Variants in TNRC6A observed in about 807,000 individuals in gnomAD.
TNRC6A encodes trinucleotide repeat-containing gene 6A protein.
In TNRC6A, 44 loss-of-function variants were observed where a neutral mutation model predicts 221.2. The observed-to-expected ratio is 0.20, with a 90% CI of 0.16 to 0.26. The LOEUF (loss-of-function observed/expected upper bound fraction) is 0.26, where lower values mean the gene tolerates loss of function less well. Among genes scored for constraint, TNRC6A ranks in the 10% least tolerant of loss-of-function variants. TNRC6A has a pLI of 1.00. For synonymous variants in TNRC6A, 847 were observed against 838.5 expected (o/e 1.01, Z -0.18); for missense variants, 2,199 against 2,404.4 (o/e 0.91, Z 1.79).
chr16:24,772,371 CTTTTTTT>C (rs1018764188), intron 4 of TNRC6A, among the ~76,000 whole-genome samples: 1 of 151,432 alleles, frequency 6.6e-6, no homozygotes, highest in African/African-American at 2.4e-5. Context: ...TTTCTTTTTT[CTTTTTTT>C]GAAACAAGGT....
chr16:24,690,340 A>C (rs1313668514), intron 2 of TNRC6A, among the ~76,000 whole-genome samples: 1 of 152,178 alleles, frequency 6.6e-6, no homozygotes, highest in East Asian at 1.9e-4. Flanking sequence ...GAAAATGAAT[A>C]GGAAATAACA....
intron 2 of TNRC6A, among the ~76,000 whole-genome samples, chr16:24,720,691 CA>C (rs60226517): frequency 4.9e-3 from 142 of 28,942 alleles, no homozygotes; most frequent in East Asian, 8.4e-3. Flanking sequence ...AACTTCATCT[CA>C]AAAAAAAAAA....
intron 1 of TNRC6A, among the ~76,000 whole-genome samples, chr16:24,637,268 A>G (rs1901683944): frequency 6.6e-6 from 1 of 152,136 alleles, no homozygotes. Flanking sequence ...CCTGGCCTCA[A>G]GCGATCTGCC....
chr16:24,675,611 G>A (rs1167086313), intron 2 of TNRC6A, among the ~76,000 whole-genome samples: 1 of 143,048 alleles, frequency 7.0e-6, no homozygotes, highest in African/African-American at 2.6e-5. Context: ...GACCCAGGAG[G>A]CAGAGGTTGC....
chr16:24,651,538 CAAAAAAAAAAA>C (rs768568973), intron 2 of TNRC6A, among the ~76,000 whole-genome samples: 9 of 48,774 alleles, frequency 1.8e-4, no homozygotes, highest in African/African-American at 5.7e-4. Flanking sequence ...AACTCCATCT[CAAAAAAAAAAA>C]AAAAAAAAAA....
intron 2 of TNRC6A, among the ~76,000 whole-genome samples, chr16:24,670,694 C>G (rs889594073): frequency 1.3e-5 from 2 of 152,060 alleles, no homozygotes; most frequent in African/African-American, 4.8e-5. Flanking sequence ...AAATGAGATT[C>G]GGATGGAAAA....
chr16:24,635,403 C>T (rs1276099553), intron 1 of TNRC6A, among the ~76,000 whole-genome samples: 1 of 152,088 alleles, frequency 6.6e-6, no homozygotes, highest in African/African-American at 2.4e-5. Flanking sequence ...CCGCCTCAGC[C>T]TCCTGAGTAG....
At position 24,822,353 on chromosome 16, in the gene TNRC6A, C is replaced by CAGAT. The variant is rs539217416; in HGVS notation, c.5373+207_5373+210dup. Among the ~76,000 whole-genome samples, 78 of 152,308 alleles carry CAGAT rather than the reference C, an allele frequency of 5.1e-4. 2 individuals are homozygous for CAGAT. The South Asian group carries it at 0.016, about 32-fold the overall frequency. ...TGTGCCTGGGAACCAACCAAGCATA[C>CAGAT]AGATTCCCAGGCCTCACCCAGAGAT... On this transcript the variant is annotated intron_variant, in intron 23 of 24. Transcript: ENST00000395799.
In TNRC6A at chr16:24,627,638, T is replaced by C. The variant is rs376387376; in HGVS notation, n.277-13246T>C. On this transcript the variant is annotated intron_variant and non_coding_transcript_variant, in intron 1 of 2. Coordinates refer to the TNRC6A transcript ENST00000566108. ...TGATTTGACCCCTGATGTGTTCTTA[T>C]AGGATTTCCTCACAACTTCTGATCT... Among the ~76,000 whole-genome samples, 357 of 152,008 alleles carry C rather than the reference T, an allele frequency of 2.3e-3. 3 individuals are homozygous for C. Among genetic ancestry groups the C allele is most frequent in the African/African-American group, 7.9e-3 (329 of 41,476 alleles).
intron 2 of TNRC6A, among the ~76,000 whole-genome samples, chr16:24,724,481 C>T (rs181217051): frequency 2.9e-3 from 440 of 152,272 alleles, no homozygotes; most frequent in African/African-American, 0.01. Flanking sequence ...CGTGGTGGCT[C>T]ACACCTGTAA....
chr16:24,773,407 T>C (rs774036868), intron 4 of TNRC6A, among the ~76,000 whole-genome samples: 1 of 152,230 alleles, frequency 6.6e-6, no homozygotes, highest in Non-Finnish European at 1.5e-5. Flanking sequence ...TTAAGGCAGA[T>C]TTTTATTTGC....
intron 18 of TNRC6A, among the ~76,000 whole-genome samples, chr16:24,812,346 C>A (rs12596793): frequency 2.0e-5 from 3 of 151,804 alleles, no homozygotes; most frequent in Admixed American, 6.6e-5. Flanking sequence ...GCCACCAGGC[C>A]CAGCCCGGAA....
intron 1 of TNRC6A, among the ~76,000 whole-genome samples, chr16:24,631,234 T>C (rs973702722): frequency 1.3e-4 from 11 of 81,506 alleles, no homozygotes; most frequent in Non-Finnish European, 2.7e-4. Context: ...TCTCCACTTG[T>C]ACTTTTGGCC....
intron 2 of TNRC6A, among the ~76,000 whole-genome samples, chr16:24,689,205 A>G (rs980051725): frequency 2.6e-5 from 4 of 152,226 alleles, no homozygotes; most frequent in Non-Finnish European, 4.4e-5. Context: ...TTGGCATCCA[A>G]CCACTTGGAG....
intron 2 of TNRC6A, among the ~76,000 whole-genome samples, chr16:24,641,261 A>C (rs544395444): frequency 6.6e-6 from 1 of 152,254 alleles, no homozygotes; most frequent in East Asian, 1.9e-4. Flanking sequence ...TATCATGTCC[A>C]TCTCTAAACA....
chr16:24,682,783 C>T (rs1163301751), intron 2 of TNRC6A, among the ~76,000 whole-genome samples: 4 of 152,170 alleles, frequency 2.6e-5, no homozygotes, highest in Admixed American at 6.6e-5. Flanking sequence ...CCCGTCTCCT[C>T]CCTTCCTCAA....
chr16:24,656,466 CAAA>C (rs71156432), intron 2 of TNRC6A, among the ~76,000 whole-genome samples: 3 of 122,946 alleles, frequency 2.4e-5, no homozygotes, highest in Non-Finnish European at 3.2e-5. Context: ...GACTCCATCT[CAAA>C]AAAAAAAAAA....
chr16:24,637,975 G>A (rs1009852128), intron 1 of TNRC6A, among the ~76,000 whole-genome samples: 19 of 152,028 alleles, frequency 1.2e-4, no homozygotes, highest in African/African-American at 4.3e-4. Context: ...AGTAGAGACA[G>A]GGCTTTACCA....
chr16:24,747,792 A>C (rs2057045147), intron 2 of TNRC6A, among the ~76,000 whole-genome samples: 1 of 152,162 alleles, frequency 6.6e-6, no homozygotes, highest in African/African-American at 2.4e-5. Flanking sequence ...AATGTCTGGT[A>C]CATCTTTTAA....
Sources: gnomAD v4.1 joint callset for allele counts (sites outside exome capture counted in the v4.1 genomes callset) on GRCh38, gnomAD v4.1.1 for gene constraint, MANE v1.5 for transcripts, NCBI Gene and HGNC (gene_info 2026-07-23, HGNC 2026-07-21) for gene names.